Variants in NUP54 observed in about 807,000 individuals in gnomAD.
The protein encoded by NUP54 is nucleoporin 54.
A neutral mutation model predicts 66.4 loss-of-function variants in NUP54; 27 were observed. The ratio of observed to expected loss-of-function variants is 0.41; its 90% CI spans 0.30 to 0.56. The LOEUF (loss-of-function observed/expected upper bound fraction) is 0.56, where lower values mean the gene tolerates loss of function less well. Among genes scored for constraint, NUP54 ranks in the 20% least tolerant of loss-of-function variants. NUP54 has a pLI of 0.34. For synonymous variants in NUP54, 206 were observed against 210.7 expected (o/e 0.98, Z 0.19); for missense variants, 486 against 596.3 (o/e 0.82, Z 1.93).
At position 76,124,598 on chromosome 4, in the gene NUP54, T is replaced by G. The variant is rs777706974; in HGVS notation, c.1164+51A>C. On this transcript the variant is annotated intron_variant, in intron 9 of 11. Transcript: ENST00000264883. The stretch of plus-strand genomic sequence containing the variant: ...TTAAAAATCTATATTTAGTACATTA[T>G]TTCACACACATAGTCTTATAAACAC... The G allele has an allele frequency of 5.5e-6, 4 of 728,862 alleles. No individual in the cohort carries two copies. In the Admixed American group the frequency reaches 9.9e-5, roughly 18 times the overall value. The allele number at this position is 728,862 out of a possible 1,614,324, so 45.1% of individuals were successfully genotyped here.
At chr4:76,130,395 T>C (rs1261135914) in intron 8 of NUP54, among the ~76,000 whole-genome samples, 1 of 152,116 alleles carries the variant, frequency 6.6e-6, no homozygotes, top group Non-Finnish European at 1.5e-5. Flanking sequence ...TAATATGCAA[T>C]CCCTGGCTGA....
At chr4:76,124,574 T>A in intron 9 of NUP54, 75 bp downstream of exon 9, 1 of 521,974 alleles carries the variant, frequency 1.9e-6, no homozygotes. Context: ...TTTTCTATTT[T>A]AAAAATCTAT....
chr4:76,137,966 G>A (rs73826330), intron 3 of NUP54, among the ~76,000 whole-genome samples: 7 of 152,066 alleles, frequency 4.6e-5, no homozygotes, highest in Admixed American at 1.3e-4. Context: ...TAATACAAAT[G>A]GTATGTAGAT....
intron 8 of NUP54, among the ~76,000 whole-genome samples, chr4:76,129,020 A>G (rs1203447710): frequency 6.6e-6 from 1 of 152,224 alleles, no homozygotes; most frequent in African/African-American, 2.4e-5. Context: ...GTTCTATAGC[A>G]CTATAGGTAA....
Position 76,115,461 on chromosome 4 carries a change from A to G in NUP54, c.1429T>C (p.Leu477=). The change falls in exon 12 of 12, where the codon TTG becomes CTG. Residue 477 remains leucine (L), a synonymous_variant. Coordinates refer to ENST00000264883, the MANE Select transcript of NUP54 (RefSeq NM_017426.4). ...AGATCGTCTTTAATGATGCTAATCA[A>G]ATGGCTAAGGCCTTCCTGTTGTTGT... The part of the protein sequence containing the change: ...LKQQQEGLSH[L]ISIIKDDLED... 6.2e-7 allele frequency: 1 copy of G among 1,611,050 alleles called. No homozygotes were observed. Among genetic ancestry groups the G allele is most frequent in the Non-Finnish European group, 8.5e-7 (1 of 1,178,700 alleles).
chr4:76,145,564 A>G, intron 1 of NUP54: 1 of 1,275,734 alleles, frequency 7.8e-7, no homozygotes, highest in Non-Finnish European at 1.0e-6. Flanking sequence ...CCTCCAAACA[A>G]CAAGAATGTG....
intron 1 of NUP54, chr4:76,145,709 T>A: frequency 2.5e-6 from 1 of 395,038 alleles, no homozygotes; most frequent in Non-Finnish European, 4.1e-6. Flanking sequence ...GACAAATGTT[T>A]GAACCATTAG....
chr4:76,132,790 A>G, intron 5 of NUP54, 71 bp from the exon 6 acceptor site: 1 of 1,125,934 alleles, frequency 8.9e-7, no homozygotes, highest in Non-Finnish European at 1.3e-6. Flanking sequence ...AGCATATCAT[A>G]GCATGTGATT....
At chr4:76,136,753 A>C (rs949952645) in intron 3 of NUP54, among the ~76,000 whole-genome samples, 2 of 152,076 alleles carry the variant, frequency 1.3e-5, no homozygotes, top group Non-Finnish European at 2.9e-5. Flanking sequence ...ATGCAGGAAG[A>C]CTCTAAAAAC....
chr4:76,148,183 A>C (rs966990359), intron 1 of NUP54, 125 bp downstream of exon 1: 5 of 779,970 alleles, frequency 6.4e-6, no homozygotes, highest in Non-Finnish European at 9.0e-6. Flanking sequence ...GCCCTTTTCC[A>C]ATGCCTCTAA....
intron 9 of NUP54, among the ~76,000 whole-genome samples, chr4:76,122,899 T>A (rs1474080697): frequency 6.6e-6 from 1 of 152,234 alleles, no homozygotes; most frequent in Non-Finnish European, 1.5e-5. Flanking sequence ...GAAGTACTAT[T>A]ACATGGTACA....
chr4:76,145,420 T>A (rs2109914628), intron 1 of NUP54: 1 of 245,294 alleles, frequency 4.1e-6, no homozygotes, highest in Non-Finnish European at 7.6e-6. Flanking sequence ...GCCAAACATA[T>A]CACATTGGCA....
chr4:76,132,312 CA>C (rs1730836637), intron 6 of NUP54: 1 of 339,434 alleles, frequency 2.9e-6, no homozygotes, highest in East Asian at 4.7e-5. Context: ...CACTATTTCT[CA>C]AAATTTCTAT....
At chr4:76,131,946 C>T (rs2109884158) in intron 6 of NUP54, among the ~76,000 whole-genome samples, 1 of 152,174 alleles carries the variant, frequency 6.6e-6, no homozygotes, top group South Asian at 2.1e-4. Flanking sequence ...TAAGATTTAT[C>T]TTCATGTATT....
intron 1 of NUP54, among the ~76,000 whole-genome samples, chr4:76,144,705 T>C (rs1731412201): frequency 6.6e-6 from 1 of 152,144 alleles, no homozygotes; most frequent in South Asian, 2.1e-4. Context: ...CAATGTAATA[T>C]ATACCCTTCA....
In NUP54 at chr4:76,124,707, A is replaced by C; in HGVS notation, c.1106T>G (p.Val369Gly). ...CCTCTTGTATTGTGCAATTTTGGCT[A>C]CAGATGTAGTTTGATTCTTTTGTAG... Reference protein sequence around the residue: ...SELQKNQTTSVAKIAQYKRKL... With the variant: ...SELQKNQTTSGAKIAQYKRKL... Residue 369 changes from valine (V) to glycine (G), a missense_variant, in exon 9 of 12, where the codon GTA (valine) becomes GGA (glycine). Coordinates refer to ENST00000264883, the MANE Select transcript of NUP54 (RefSeq NM_017426.4). 6.3e-7 allele frequency: 1 copy of C among 1,586,050 alleles called. No homozygotes were observed. Among genetic ancestry groups the C allele is most frequent in the Non-Finnish European group, 8.6e-7 (1 of 1,162,978 alleles).
At chr4:76,145,091 G>A (rs1294478910) in intron 1 of NUP54, among the ~76,000 whole-genome samples, 1 of 151,918 alleles carries the variant, frequency 6.6e-6, no homozygotes, top group Admixed American at 6.6e-5. Flanking sequence ...GGCCGAGGGG[G>A]GTGGATCACA....
intron 9 of NUP54, 182 bp from the exon 10 acceptor site, chr4:76,118,376 C>T (rs1047712873): frequency 3.4e-6 from 2 of 591,878 alleles, no homozygotes; most frequent in Non-Finnish European, 3.0e-6. Flanking sequence ...CATATAAATA[C>T]AATGATATAG....
intron 9 of NUP54, among the ~76,000 whole-genome samples, chr4:76,120,421 CTTTT>C (rs59098375): frequency 0.33 from 38,529 of 117,670 alleles, 6,224 homozygotes; most frequent in East Asian, 0.52. Context: ...AAAGGGATCT[CTTTT>C]TTTTTTTTTT....
Sources: allele counts gnomAD v4.1 joint callset (sites outside exome capture counted in the v4.1 genomes callset), GRCh38; gene constraint gnomAD v4.1.1; transcripts MANE v1.5; gene names NCBI Gene and HGNC (gene_info 2026-07-23, HGNC 2026-07-21).